Variants in DMGDH observed in about 807,000 individuals in gnomAD.
DMGDH encodes dimethylglycine dehydrogenase.
In DMGDH, 76 loss-of-function variants were observed where a neutral mutation model predicts 95.2. The observed-to-expected ratio is 0.80, with a 90% CI of 0.66 to 0.97. The LOEUF is 0.97. Ranked by LOEUF, DMGDH falls within the 50% of genes least tolerant of loss-of-function variation. DMGDH has a pLI of 0.00. For synonymous variants in DMGDH, 345 were observed against 377.6 expected (o/e 0.91, Z 1.00); for missense variants, 987 against 1,055.0 (o/e 0.94, Z 0.89).
chr5:79,042,250 A>G, intron 7 of DMGDH, 33 bp downstream of exon 7: 1 of 1,587,728 alleles, frequency 6.3e-7, no homozygotes, highest in Non-Finnish European at 8.6e-7. Context: ...AAGTGATTCT[A>G]CAATAAATGT....
At position 79,012,316 on chromosome 5, in the gene DMGDH, C is replaced by T. The variant is rs564132390; in HGVS notation, c.2251-6909G>A. ...CTCCATATCTCACATCCAGGGCACACTGGTGTGCCCAAAAGCTTTGGGCAA... is the reference window on the plus strand; with the variant it reads ...CTCCATATCTCACATCCAGGGCACATTGGTGTGCCCAAAAGCTTTGGGCAA... On this transcript the variant is annotated intron_variant, in intron 14 of 15. Coordinates refer to ENST00000255189, the MANE Select transcript of DMGDH (RefSeq NM_013391.3). Among the ~76,000 whole-genome samples the T allele has an allele frequency of 1.4e-4, 21 of 152,336 alleles. No homozygotes were observed. The East Asian group carries it at 3.7e-3, about 27-fold the overall frequency.
At chr5:79,034,365 A>C (rs138863388) in intron 7 of DMGDH, among the ~76,000 whole-genome samples, 172 of 152,258 alleles carry the variant, frequency 1.1e-3, no homozygotes, top group African/African-American at 3.9e-3. Context: ...CTTGTTTTCT[A>C]TTTTCTTAAG....
chr5:79,042,404 C>A lies in DMGDH; in HGVS notation c.1072G>T (p.Val358Phe). Residue 358 changes from valine to phenylalanine, a missense_variant, in exon 7 of 16, where the codon GTC (valine) becomes TTC (phenylalanine). Transcript: ENST00000255189. ...TTGATGATGTCAGCCTTTTTCAAGACAGGAACCATTTCCATGGCAGCTTTG... is the reference window on the plus strand; with the variant it reads ...TTGATGATGTCAGCCTTTTTCAAGAAAGGAACCATTTCCATGGCAGCTTTG... ...HIKAAMEMVP[V>F]LKKADIINVV... 6.2e-7 allele frequency: 1 copy of A among 1,614,166 alleles called. No homozygotes were observed. Among genetic ancestry groups the A allele is most frequent in the Non-Finnish European group, 8.5e-7 (1 of 1,180,028 alleles).
At chr5:79,050,083 C>A (rs1754794378) in intron 5 of DMGDH, among the ~76,000 whole-genome samples, 1 of 150,802 alleles carries the variant, frequency 6.6e-6, no homozygotes, top group African/African-American at 2.4e-5. Context: ...ATGGTGAAAC[C>A]CCGTCTCTAC....
rs1017199728 is a variant in DMGDH, at chr5:79,069,506, G to T, written c.101+14C>A. 12 of 1,273,222 alleles carry T rather than the reference G, an allele frequency of 9.4e-6. No homozygotes were observed. The highest frequency in any genetic ancestry group is 1.2e-5 in the Non-Finnish European group (12 of 1,009,614). The allele number at this position is 1,273,222 out of a possible 1,614,324, so 78.9% of individuals were successfully genotyped here. A position where few individuals can be genotyped will look rare whatever the true frequency, so the allele number is the denominator to read the frequency against. ...CCGCCCCGTCGCCTCTGAGCAGGAC[G>T]GGGCCCCACTCACCCTTCCCGGCCG... On this transcript the variant is annotated intron_variant, in intron 1 of 15. Coordinates refer to ENST00000255189, the MANE Select transcript of DMGDH (RefSeq NM_013391.3).
chr5:79,030,985 G>A lies in DMGDH; in HGVS notation c.1531C>T (p.Arg511Cys), dbSNP rs150984434. Residue 511 changes from arginine (R) to cysteine (C), a missense_variant, in exon 10 of 16, where the codon CGC (arginine) becomes TGC (cysteine). Transcript: ENST00000255189. ...CCCACAGGCTCAAACCAGTTTGTGC[G>A]GCGAAAACTTGGCCTGAAACACAAC... Reference protein sequence around the residue: ...QDTQYRPSFRRTNWFEPVGSE... With the variant: ...QDTQYRPSFRCTNWFEPVGSE... 57 of 1,614,156 alleles carry A rather than the reference G, an allele frequency of 3.5e-5. No homozygotes were observed. Among genetic ancestry groups the A allele is most frequent in the South Asian group, 1.6e-4 (15 of 91,086 alleles).
intron 11 of DMGDH, 73 bp downstream of exon 11, chr5:79,029,831 A>G: frequency 6.6e-7 from 1 of 1,509,980 alleles, no homozygotes; most frequent in East Asian, 2.3e-5. Flanking sequence ...AGTACTGGTA[A>G]AAAGAAAAAC....
chr5:79,051,251 TA>T, intron 5 of DMGDH, 35 bp downstream of exon 5: 8 of 1,603,778 alleles, frequency 5.0e-6, no homozygotes, highest in Non-Finnish European at 6.8e-6. Context: ...CTTTGGCACT[TA>T]AAAAACACTA....
chr5:79,019,314 A>G (rs1321446319), intron 14 of DMGDH, among the ~76,000 whole-genome samples: 1 of 152,194 alleles, frequency 6.6e-6, no homozygotes, highest in Non-Finnish European at 1.5e-5. Flanking sequence ...CTCTAGATCT[A>G]TTAATTTACA....
chr5:79,026,217 G>A (rs1432555394), intron 13 of DMGDH, among the ~76,000 whole-genome samples: 1 of 152,136 alleles, frequency 6.6e-6, no homozygotes, highest in East Asian at 1.9e-4. Context: ...GATGAATTAA[G>A]GCAGAATAAA....
intron 14 of DMGDH, among the ~76,000 whole-genome samples, chr5:79,015,194 C>T (rs1243415266): frequency 6.6e-6 from 1 of 152,152 alleles, no homozygotes; most frequent in Non-Finnish European, 1.5e-5. Context: ...ATCCACAGTT[C>T]ATTAACATCC....
chr5:79,066,426 C>T (rs1755382358), intron 1 of DMGDH, among the ~76,000 whole-genome samples: 1 of 151,956 alleles, frequency 6.6e-6, no homozygotes, highest in African/African-American at 2.4e-5. Context: ...GCTGGGACTG[C>T]AGGCGCCCAC....
At chr5:79,024,418 C>T in intron 13 of DMGDH, 88 bp from the exon 14 acceptor site, 1 of 1,279,114 alleles carries the variant, frequency 7.8e-7, no homozygotes, top group Admixed American at 1.7e-5. Context: ...GGAGAAAGAA[C>T]CCTTTTTGAT....
intron 1 of DMGDH, among the ~76,000 whole-genome samples, chr5:79,069,042 T>C (rs1213277589): frequency 6.6e-6 from 1 of 152,250 alleles, no homozygotes; most frequent in Non-Finnish European, 1.5e-5. Context: ...CACATGCACG[T>C]TATTTGCAGT....
chr5:79,027,761 T>C (rs1032552470), intron 12 of DMGDH, among the ~76,000 whole-genome samples: 5 of 151,952 alleles, frequency 3.3e-5, no homozygotes, highest in African/African-American at 1.2e-4. Flanking sequence ...GGAGATTCTA[T>C]CTCCAGGAGA....
intron 12 of DMGDH, among the ~76,000 whole-genome samples, chr5:79,027,474 T>C (rs1754034326): frequency 6.6e-6 from 1 of 152,192 alleles, no homozygotes; most frequent in African/African-American, 2.4e-5. Context: ...GGTGTTTTTA[T>C]GGGATACCAC....
At chr5:79,006,502 C>A (rs925040432) in intron 14 of DMGDH, among the ~76,000 whole-genome samples, 4 of 152,116 alleles carry the variant, frequency 2.6e-5, no homozygotes, top group African/African-American at 9.7e-5. Context: ...GCATACTCTG[C>A]CTAGACAAGC....
At chr5:78,999,864 G>A (rs2112595755) in intron 15 of DMGDH, among the ~76,000 whole-genome samples, 1 of 146,618 alleles carries the variant, frequency 6.8e-6, no homozygotes, top group Non-Finnish European at 1.5e-5. Context: ...TTTAATCATT[G>A]CTTTTTTTTT....
chr5:79,021,681 C>T, intron 14 of DMGDH: 1 of 1,304,570 alleles, frequency 7.7e-7, no homozygotes, highest in Non-Finnish European at 1.0e-6. Flanking sequence ...CTATTCTGAT[C>T]CTATCATAAA....
Sources: allele counts gnomAD v4.1 joint callset (sites outside exome capture counted in the v4.1 genomes callset), GRCh38; gene constraint gnomAD v4.1.1; transcripts MANE v1.5; gene names NCBI Gene and HGNC (gene_info 2026-07-23, HGNC 2026-07-21).